Variants in BTBD16 observed in about 807,000 individuals in gnomAD.
BTBD16 encodes the protein BTB domain containing 16, also known as BTB/POZ domain-containing protein 16.
In BTBD16, 66 loss-of-function variants were observed where a neutral mutation model predicts 67.4. The ratio of observed to expected loss-of-function variants is 0.98; its 90% CI spans 0.80 to 1.20. The LOEUF is 1.20. Ranked by LOEUF, BTBD16 falls within the 50% of genes most tolerant of loss-of-function variation. BTBD16 has a pLI of 0.00. For synonymous variants in BTBD16, 242 were observed against 236.4 expected, an observed-to-expected ratio of 1.02 and a Z score of -0.22; for missense variants, 634 against 616.0, an observed-to-expected ratio of 1.03 and a Z score of -0.31.
chr10:122,284,777 C>A (rs2096360342), intron 4 of BTBD16, among the ~76,000 whole-genome samples: 1 of 145,724 alleles, frequency 6.9e-6, no homozygotes, highest in South Asian at 2.2e-4. Flanking sequence ...AAATTCTTTT[C>A]TCTCCTTCAA....
Position 122,285,703 on chromosome 10 carries a change from A to G in BTBD16, c.242-402A>G, listed in dbSNP as rs1402732723. On this transcript the variant is annotated intron_variant, in intron 4 of 15. Coordinates refer to ENST00000260723, the MANE Select transcript of BTBD16 (RefSeq NM_144587.5). ...GGCACGTATCTGGCCCAAAATGTTT[A>G]CAGTGCCGGGGCTGAGAAACACTGT... Among the ~76,000 whole-genome samples the G allele has an allele frequency of 5.3e-5, 8 of 152,314 alleles. No individual in the cohort carries two copies. In the East Asian group the frequency reaches 1.4e-3, roughly 26 times the overall value.
chr10:122,294,039 C>T, intron 7 of BTBD16: 2 of 778,750 alleles, frequency 2.6e-6, no homozygotes, highest in Non-Finnish European at 3.1e-6. Flanking sequence ...CCAAACCTTT[C>T]ATTCCACTGA....
chr10:122,285,914 C>T (rs1033359652), intron 4 of BTBD16, among the ~76,000 whole-genome samples, 191 bp from the exon 5 acceptor site: 3 of 151,828 alleles, frequency 2.0e-5, no homozygotes, highest in Non-Finnish European at 2.9e-5. Flanking sequence ...GGTTTGGTGT[C>T]CCCCTCAAAG....
intron 10 of BTBD16, among the ~76,000 whole-genome samples, chr10:122,321,705 GT>G (rs2096435691): frequency 6.6e-6 from 1 of 152,074 alleles, no homozygotes; most frequent in African/African-American, 2.4e-5. Flanking sequence ...TAATGGAGTT[GT>G]TTTTTGCTTG....
intron 10 of BTBD16, chr10:122,328,718 GT>G (rs2096449723): frequency 1.0e-6 from 1 of 978,938 alleles, no homozygotes; most frequent in African/African-American, 1.8e-5. Flanking sequence ...GTTCCCCATT[GT>G]CCCCATTTAT....
intron 10 of BTBD16, among the ~76,000 whole-genome samples, chr10:122,327,198 T>C (rs1284942117): frequency 6.6e-6 from 1 of 152,194 alleles, no homozygotes; most frequent in Non-Finnish European, 1.5e-5. Flanking sequence ...TTAGATCCTT[T>C]GAGATTTCAG....
chr10:122,301,914 C>T (rs1388065994), intron 9 of BTBD16, among the ~76,000 whole-genome samples: 12 of 152,204 alleles, frequency 7.9e-5, no homozygotes, highest in Non-Finnish European at 1.5e-5. Context: ...CACCCCTCGT[C>T]GTTGGTCATG....
chr10:122,293,797 C>T (rs994557598), intron 7 of BTBD16, among the ~76,000 whole-genome samples: 2 of 152,198 alleles, frequency 1.3e-5, no homozygotes, highest in Non-Finnish European at 2.9e-5. Flanking sequence ...TTATCTCTGA[C>T]CTGAATGCTG....
chr10:122,286,221 CT>C lies in BTBD16; in HGVS notation c.359del (p.Leu120ArgfsTer29). The C allele has an allele frequency of 3.1e-6, 5 of 1,611,912 alleles. No individual in the cohort carries two copies. The highest frequency in any genetic ancestry group is 4.2e-6 in the Non-Finnish European group (5 of 1,178,308). On this transcript the variant is annotated frameshift_variant, in exon 5 of 16. Transcript: ENST00000260723. LOFTEE classifies it high-confidence loss of function. ...CCTGGCGCAGGGCACCACACACCCC[CT>C]GAGGGAGCTGGAGGAGCTTCTGCGA... The part of the protein sequence containing the change: ...KALAQGTTHP[L>X]RELEELLRAQ...
chr10:122,297,879 C>A, intron 8 of BTBD16, 42 bp downstream of exon 8: 3 of 1,586,762 alleles, frequency 1.9e-6, no homozygotes, highest in African/African-American at 1.3e-5. Context: ...CTTGGGGGGG[C>A]CTTCAGGAGC....
chr10:122,295,748 TA>T (rs1334948363), intron 7 of BTBD16, among the ~76,000 whole-genome samples: 1 of 152,166 alleles, frequency 6.6e-6, no homozygotes, highest in Non-Finnish European at 1.5e-5. Context: ...GCCTCATGTT[TA>T]CTCAGTACAG....
chr10:122,338,147 G>A lies in BTBD16; in HGVS notation c.*62G>A. On this transcript the variant is annotated 3_prime_UTR_variant, in exon 16 of 16. Transcript: ENST00000260723. ...TGGTCTGCATAAAAGAAAATAAAAT[G>A]ACATAAAAGGGAGCACTCAAGCATT... 3 of 1,325,524 alleles carry A rather than the reference G, an allele frequency of 2.3e-6. No individual in the cohort carries two copies. Among genetic ancestry groups the A allele is most frequent in the Non-Finnish European group, 3.2e-6 (3 of 930,478 alleles). The allele number at this position is 1,325,524 out of a possible 1,614,324, so 82.1% of individuals were successfully genotyped here. A position where few individuals can be genotyped will look rare whatever the true frequency, so the allele number is the denominator to read the frequency against.
intron 13 of BTBD16, 145 bp from the exon 14 acceptor site, chr10:122,334,736 G>T: frequency 1.9e-6 from 1 of 516,792 alleles, no homozygotes; most frequent in East Asian, 4.1e-5. Context: ...TGGCCAGGCT[G>T]GTCTTGAACT....
chr10:122,327,698 A>G, intron 10 of BTBD16: 1 of 958,372 alleles, frequency 1.0e-6, no homozygotes, highest in Non-Finnish European at 1.2e-6. Context: ...TGTCTCAACA[A>G]AGCTGTTTCC....
intron 10 of BTBD16, among the ~76,000 whole-genome samples, chr10:122,320,319 T>G (rs2096433235): frequency 6.6e-6 from 1 of 152,094 alleles, no homozygotes; most frequent in Non-Finnish European, 1.5e-5. Context: ...TAAATAAAAT[T>G]TTAACTATAG....
chr10:122,317,060 A>C (rs2096426331), intron 10 of BTBD16, among the ~76,000 whole-genome samples: 2 of 152,056 alleles, frequency 1.3e-5, no homozygotes, highest in Admixed American at 1.3e-4. Flanking sequence ...AAGTGTTGGG[A>C]TTACAGGCGT....
In BTBD16 at chr10:122,307,297, A is replaced by C. The variant is rs1564993476; in HGVS notation, c.900A>C (p.Thr300=). ...TTCCGACTTATGAAACCGTGATGACATTTTTTAAGAGGTAATATAACTTAG... is the reference window on the plus strand; with the variant it reads ...TTCCGACTTATGAAACCGTGATGACCTTTTTTAAGAGGTAATATAACTTAG... ...QAIPTYETVM[T]FFKSFPENCC... Residue 300 remains threonine (T), a synonymous_variant, in exon 10 of 16, where the codon ACA becomes ACC. Transcript: ENST00000260723. 6.2e-7 allele frequency: 1 copy of C among 1,604,946 alleles called. No individual in the cohort carries two copies. The highest frequency in any genetic ancestry group is 1.3e-5 in the African/African-American group (1 of 74,430).
At chr10:122,290,948 TC>T in intron 6 of BTBD16, 131 bp from the exon 7 acceptor site, 1 of 1,330,352 alleles carries the variant, frequency 7.5e-7, no homozygotes, top group Non-Finnish European at 9.9e-7. Flanking sequence ...GGTGCCTGCA[TC>T]CAGGTGAGAG....
At chr10:122,329,136 C>T (rs1012574428) in intron 10 of BTBD16, among the ~76,000 whole-genome samples, 6 of 152,134 alleles carry the variant, frequency 3.9e-5, no homozygotes, top group Non-Finnish European at 4.4e-5. Flanking sequence ...TTGTGAGACT[C>T]AAGTGAGAAA....
Sources: allele counts gnomAD v4.1 joint callset (sites outside exome capture counted in the v4.1 genomes callset), GRCh38; gene constraint gnomAD v4.1.1; transcripts MANE v1.5; gene names NCBI Gene and HGNC (gene_info 2026-07-23, HGNC 2026-07-21).